The following IKZF2 variants were observed in gnomAD, a reference collection of about 807,000 sequenced individuals.
The protein encoded by IKZF2 is IKAROS family zinc finger 2.
In IKZF2, 15 loss-of-function variants were observed where a neutral mutation model predicts 49.2. That is an observed-to-expected ratio of 0.30 (90% CI 0.20 to 0.47). The LOEUF (loss-of-function observed/expected upper bound fraction) is 0.47, where lower values mean the gene tolerates loss of function less well. IKZF2 is among the 20% of genes least tolerant of loss of function. IKZF2 has a pLI of 1.00. For synonymous variants in IKZF2, 227 were observed against 221.4 expected (o/e 1.03, Z -0.23); for missense variants, 567 against 664.6 (o/e 0.85, Z 1.61).
chr2:213,144,483 T>C (rs937665159), intron 4 of IKZF2, among the ~76,000 whole-genome samples: 5 of 151,908 alleles, frequency 3.3e-5, no homozygotes, highest in Admixed American at 6.6e-5. Flanking sequence ...TATGCAAGAA[T>C]TGGAAATGAG....
chr2:213,150,317 C>A, intron 1 of IKZF2, 70 bp from the exon 2 acceptor site: 1 of 532,748 alleles, frequency 1.9e-6, no homozygotes, highest in South Asian at 1.6e-5. Flanking sequence ...CCTCCCTTGC[C>A]CCCTCCAAGC....
chr2:213,000,628 A>C lies in IKZF2; in HGVS notation c.*6732T>G, dbSNP rs1207057062. On this transcript the variant is annotated 3_prime_UTR_variant, in exon 9 of 9. Coordinates refer to ENST00000434687, the MANE Select transcript of IKZF2 (RefSeq NM_001387220.1). ...AGCACACTACATATAAATATGTATA[A>C]GAAAAATACCTCTTACTTAAATTTG... The C allele has an allele frequency of 2.0e-5, 3 of 151,778 alleles. No homozygotes were observed. Among genetic ancestry groups the C allele is most frequent in the African/African-American group, 7.2e-5 (3 of 41,394 alleles). 9.4% of individuals were successfully genotyped at this position (151,778 alleles called of 1,614,324 possible).
At chr2:213,135,564 G>A (rs1256623499) in intron 4 of IKZF2, among the ~76,000 whole-genome samples, 1 of 151,958 alleles carries the variant, frequency 6.6e-6, no homozygotes, top group African/African-American at 2.4e-5. Flanking sequence ...TGGGCATGGT[G>A]GCATGCACCT....
intron 4 of IKZF2, among the ~76,000 whole-genome samples, chr2:213,105,201 ACTC>A (rs2059483897): frequency 6.6e-6 from 1 of 151,804 alleles, no homozygotes; most frequent in South Asian, 2.1e-4. Context: ...AAAAGGTTTG[ACTC>A]CTCTTCTACT....
At chr2:213,050,931 T>C (rs1700623368) in intron 5 of IKZF2, among the ~76,000 whole-genome samples, 2 of 152,196 alleles carry the variant, frequency 1.3e-5, no homozygotes, top group East Asian at 3.9e-4. Flanking sequence ...TGTATCATAC[T>C]AAAGCTCTAA....
At chr2:213,117,818 C>T (rs935113367) in intron 4 of IKZF2, among the ~76,000 whole-genome samples, 4 of 152,184 alleles carry the variant, frequency 2.6e-5, no homozygotes, top group Non-Finnish European at 4.4e-5. Context: ...ACTACAATTG[C>T]CACATTAACT....
intron 4 of IKZF2, among the ~76,000 whole-genome samples, chr2:213,077,580 C>CTTT (rs58528665): frequency 6.4e-4 from 38 of 59,476 alleles, no homozygotes; most frequent in African/African-American, 1.3e-3. Flanking sequence ...ATTCTATGTA[C>CTTT]TTTTTTTTTT....
At chr2:213,044,570 C>T (rs1422028075) in intron 6 of IKZF2, among the ~76,000 whole-genome samples, 12 of 152,214 alleles carry the variant, frequency 7.9e-5, no homozygotes, top group East Asian at 1.9e-4. Context: ...GGATGTACGA[C>T]GCAGGGTAAG....
At chr2:213,094,624 G>A (rs1418010226) in intron 4 of IKZF2, among the ~76,000 whole-genome samples, 1 of 152,128 alleles carries the variant, frequency 6.6e-6, no homozygotes. Flanking sequence ...TACCCACAAA[G>A]CTCTTGGGAT....
intron 4 of IKZF2, among the ~76,000 whole-genome samples, chr2:213,079,250 G>A (rs766767300): frequency 6.6e-6 from 1 of 151,954 alleles, no homozygotes; most frequent in Non-Finnish European, 1.5e-5. Context: ...GTGGTAGTGC[G>A]TGTTTGTAGT....
At chr2:213,125,649 A>T (rs574998184) in intron 4 of IKZF2, among the ~76,000 whole-genome samples, 2 of 152,298 alleles carry the variant, frequency 1.3e-5, no homozygotes, top group South Asian at 4.1e-4. Context: ...AAGTTATCCT[A>T]AGGATGTAAA....
chr2:213,125,056 A>T (rs922623839), intron 4 of IKZF2, among the ~76,000 whole-genome samples: 1 of 152,228 alleles, frequency 6.6e-6, no homozygotes, highest in South Asian at 2.1e-4. Flanking sequence ...TTCAGATTTC[A>T]TTAACCCCTG....
intron 4 of IKZF2, among the ~76,000 whole-genome samples, chr2:213,129,051 C>T (rs1229013628): frequency 6.6e-6 from 1 of 151,788 alleles, no homozygotes; most frequent in Non-Finnish European, 1.5e-5. Context: ...ATGAACACTA[C>T]AGTGTAAAAC....
At chr2:213,038,995 C>T (rs1171431376) in intron 6 of IKZF2, among the ~76,000 whole-genome samples, 2 of 151,896 alleles carry the variant, frequency 1.3e-5, no homozygotes, top group Non-Finnish European at 2.9e-5. Flanking sequence ...TGATCCAAGC[C>T]ACATGGTAAT....
rs147060309 is a variant in IKZF2 at position 213,007,186 on chromosome 2, C to T, written c.*174G>A. 1.1e-3 allele frequency: 726 copies of T among 633,664 alleles called. 6 individuals are homozygous for T. The African/African-American group carries it at 0.012, about 11-fold the overall frequency. 39.3% of individuals were successfully genotyped at this position (633,664 alleles called of 1,614,324 possible). A position where few individuals can be genotyped will look rare whatever the true frequency, so the allele number is the denominator to read the frequency against. The stretch of plus-strand genomic sequence containing the variant: ...CTTCTCTCTTCTGTTTCTTCCTTAT[C>T]GTAATTAGGCAGAGCAAATGACACT... On this transcript the variant is annotated 3_prime_UTR_variant, in exon 9 of 9. Coordinates refer to ENST00000434687, the MANE Select transcript of IKZF2 (RefSeq NM_001387220.1).
chr2:213,123,326 G>A (rs780497573), intron 4 of IKZF2, among the ~76,000 whole-genome samples: 3 of 152,114 alleles, frequency 2.0e-5, no homozygotes, highest in Non-Finnish European at 4.4e-5. Context: ...AAAGCATCAG[G>A]TTTTATAGTA....
intron 4 of IKZF2, among the ~76,000 whole-genome samples, chr2:213,131,225 CA>C (rs2060465153): frequency 6.6e-6 from 1 of 152,276 alleles, no homozygotes; most frequent in South Asian, 2.1e-4. Flanking sequence ...GTCTGGCTCA[CA>C]ATCTGGAATC....
upstream of IKZF2, chr2:213,152,287 G>T (rs2061304996): frequency 6.6e-6 from 1 of 152,242 alleles, no homozygotes; most frequent in Non-Finnish European, 1.5e-5. Context: ...GGCCGAGTCG[G>T]GGAGTGTGCG....
chr2:213,073,855 G>C (rs16849642), intron 4 of IKZF2, among the ~76,000 whole-genome samples: 7,390 of 152,240 alleles, frequency 0.049, 314 homozygotes, highest in African/African-American at 0.12. Flanking sequence ...TATCTCTAAA[G>C]TAACATCCAG....
Sources: gnomAD v4.1 joint callset for allele counts (sites outside exome capture counted in the v4.1 genomes callset) on GRCh38, gnomAD v4.1.1 for gene constraint, MANE v1.5 for transcripts, NCBI Gene and HGNC (gene_info 2026-07-23, HGNC 2026-07-21) for gene names.